DPYD: variants seen among roughly 807,000 people sequenced by gnomAD.
DPYD encodes dihydropyrimidine dehydrogenase [NADP(+)].
Under a neutral mutation model 116.2 loss-of-function variants are expected in DPYD, and 109 were observed. The ratio of observed to expected loss-of-function variants is 0.94; its 90% CI spans 0.80 to 1.10. The LOEUF (loss-of-function observed/expected upper bound fraction) is 1.10. Among genes scored for constraint, DPYD ranks in the 50% least tolerant of loss-of-function variants. The pLI is 0.00. For synonymous variants in DPYD, 440 were observed against 432.0 expected (o/e 1.02, Z -0.23); for missense variants, 1,302 against 1,254.5 (o/e 1.04, Z -0.57).
intron 14 of DPYD, among the ~76,000 whole-genome samples, chr1:97,415,365 T>C (rs1399528475): frequency 6.6e-6 from 1 of 152,190 alleles, no homozygotes; most frequent in Non-Finnish European, 1.5e-5. Context: ...ACTCACACTG[T>C]CACCCAGGCT....
chr1:97,243,516 A>G (rs2100781804), intron 18 of DPYD, among the ~76,000 whole-genome samples: 1 of 151,996 alleles, frequency 6.6e-6, no homozygotes, highest in Admixed American at 6.6e-5. Context: ...ATCCAGGCCT[A>G]CCTGACTCCC....
intron 13 of DPYD, among the ~76,000 whole-genome samples, chr1:97,493,307 C>T (rs139772516): frequency 2.6e-5 from 4 of 152,268 alleles, no homozygotes; most frequent in South Asian, 2.1e-4. Context: ...CTCGTACTAA[C>T]GGTTTTCATA....
At chr1:97,532,921 T>TGTTG (rs371163871) in intron 12 of DPYD, among the ~76,000 whole-genome samples, 1 of 148,946 alleles carries the variant, frequency 6.7e-6, no homozygotes, top group African/African-American at 2.5e-5. Flanking sequence ...GTTTTTTTTT[T>TGTTG]TTGTTGTTGT....
chr1:97,307,517 A>AT lies in DPYD; in HGVS notation c.2059-1221dup, dbSNP rs146803864. 6.9e-3 allele frequency among the ~76,000 whole-genome samples: 1,055 copies of AT among 151,982 alleles called. 22 individuals are homozygous for AT. The highest frequency in any genetic ancestry group is 0.024 in the African/African-American group (993 of 41,528). On this transcript the variant is annotated intron_variant, in intron 16 of 22. Coordinates refer to ENST00000370192, the MANE Select transcript of DPYD (RefSeq NM_000110.4). ...TCCTGTATTACTCAAAAAGTTATGC[A>AT]TTTTTGTGCTAAGATACTGCAATGA...
chr1:97,109,133 G>A (rs980072943), intron 20 of DPYD, among the ~76,000 whole-genome samples: 6 of 151,922 alleles, frequency 3.9e-5, no homozygotes, highest in Non-Finnish European at 2.9e-5. Context: ...ATTTAAAATA[G>A]GAAAAGCATT....
At chr1:97,901,882 G>C (rs1673387035) in intron 1 of DPYD, among the ~76,000 whole-genome samples, 1 of 151,790 alleles carries the variant, frequency 6.6e-6, no homozygotes. Context: ...TTACCATTCA[G>C]AAATGTCAGG....
intron 8 of DPYD, among the ~76,000 whole-genome samples, chr1:97,636,706 T>C (rs1657581659): frequency 2.6e-5 from 4 of 152,182 alleles, no homozygotes. Context: ...AGCTTTACAA[T>C]GTTATTTTCT....
At chr1:97,593,860 G>T (rs949159284) in intron 9 of DPYD, among the ~76,000 whole-genome samples, 1 of 151,970 alleles carries the variant, frequency 6.6e-6, no homozygotes, top group Non-Finnish European at 1.5e-5. Flanking sequence ...TGTTAACTTT[G>T]AATATTAACG....
intron 8 of DPYD, among the ~76,000 whole-genome samples, chr1:97,598,417 A>C (rs189645944): frequency 4.6e-5 from 7 of 152,338 alleles, no homozygotes; most frequent in Admixed American, 3.9e-4. Flanking sequence ...GAATTGACAA[A>C]GATTTGACAA....
intron 2 of DPYD, among the ~76,000 whole-genome samples, chr1:97,839,593 T>C (rs1395363674): frequency 6.6e-6 from 1 of 152,188 alleles, no homozygotes; most frequent in African/African-American, 2.4e-5. Context: ...ATATTACATA[T>C]TTTACTTAAC....
chr1:97,441,090 A>G (rs1471824170), intron 14 of DPYD, among the ~76,000 whole-genome samples: 1 of 152,010 alleles, frequency 6.6e-6, no homozygotes, highest in Non-Finnish European at 1.5e-5. Context: ...ACATGTCTTT[A>G]TTCTCTGGCT....
intron 10 of DPYD, among the ~76,000 whole-genome samples, chr1:97,589,531 G>A (rs1461544868): frequency 6.6e-6 from 1 of 152,186 alleles, no homozygotes; most frequent in Non-Finnish European, 1.5e-5. Context: ...CAGTCATGCT[G>A]AACTGTGAGT....
At chr1:97,350,232 A>G (rs982471947) in intron 16 of DPYD, among the ~76,000 whole-genome samples, 1 of 152,168 alleles carries the variant, frequency 6.6e-6, no homozygotes, top group Non-Finnish European at 1.5e-5. Context: ...TGGCTGGGAT[A>G]TAGCTGGTAA....
chr1:97,289,679 G>C (rs571884970), intron 18 of DPYD, among the ~76,000 whole-genome samples: 25 of 152,242 alleles, frequency 1.6e-4, no homozygotes, highest in African/African-American at 6.0e-4. Context: ...GTATTGATGG[G>C]ACGTATCTCA....
At chr1:97,654,531 C>T (rs1401300057) in intron 8 of DPYD, among the ~76,000 whole-genome samples, 5 of 151,946 alleles carry the variant, frequency 3.3e-5, no homozygotes, top group South Asian at 2.1e-4. Context: ...TATATTTTCA[C>T]GATTATGTGA....
At chr1:97,420,052 C>T (rs1002796045) in intron 14 of DPYD, 10 of 152,204 alleles carry the variant, frequency 6.6e-5, no homozygotes, top group Non-Finnish European at 1.5e-4. Context: ...CAGTAGAGGA[C>T]ACTGGGAGTG....
intron 8 of DPYD, among the ~76,000 whole-genome samples, chr1:97,677,943 T>C (rs1339150984): frequency 6.6e-6 from 1 of 152,294 alleles, no homozygotes; most frequent in Non-Finnish European, 1.5e-5. Flanking sequence ...TCGAACTTCA[T>C]ATTCTGAGTG....
intron 8 of DPYD, among the ~76,000 whole-genome samples, chr1:97,661,944 A>C (rs1375739033): frequency 6.6e-6 from 1 of 151,508 alleles, no homozygotes; most frequent in African/African-American, 2.4e-5. Context: ...TATTTTAAAA[A>C]GTATATATTT....
intron 3 of DPYD, among the ~76,000 whole-genome samples, chr1:97,758,588 C>A (rs1665393751): frequency 6.6e-6 from 1 of 152,150 alleles, no homozygotes; most frequent in Non-Finnish European, 1.5e-5. Context: ...CAACTCTAAT[C>A]TGGTCCAAAA....
Sources: gnomAD v4.1 joint callset for allele counts (sites outside exome capture counted in the v4.1 genomes callset) on GRCh38, gnomAD v4.1.1 for gene constraint, MANE v1.5 for transcripts, NCBI Gene and HGNC (gene_info 2026-07-23, HGNC 2026-07-21) for gene names.